Variants in PCLO observed in about 807,000 individuals in gnomAD.
PCLO encodes piccolo presynaptic cytomatrix protein.
In PCLO, 82 loss-of-function variants were observed where a neutral mutation model predicts 427.5. That is an observed-to-expected ratio of 0.19 (90% CI 0.16 to 0.23). The LOEUF is 0.23. PCLO is among the 10% of genes least tolerant of loss of function. The pLI is 1.00. For missense variants in PCLO, 6,239 were observed against 6,115.9 expected, an observed-to-expected ratio of 1.02 and a Z score of -0.67; for synonymous variants, 2,357 against 2,155.4, an observed-to-expected ratio of 1.09 and a Z score of -2.59.
chr7:83,012,621 G>GAAAAAAAAAAAAAAAAAAAAAAAAAAA (rs537818971), intron 3 of PCLO, among the ~76,000 whole-genome samples: 1 of 66,740 alleles, frequency 1.5e-5, no homozygotes, highest in African/African-American at 5.8e-5. Context: ...CTGTCTCAAG[G>GAAAAAAAAAAAAAAAAAAAAAAAAAAA]AAAAAAAAAA....
At chr7:82,866,374 TTAA>T (rs1357304193) in intron 10 of PCLO, among the ~76,000 whole-genome samples, 3 of 151,942 alleles carry the variant, frequency 2.0e-5, no homozygotes, top group Non-Finnish European at 4.4e-5. Flanking sequence ...ATATATGATA[TTAA>T]TATTTGTTAT....
rs1164463304 is a variant in PCLO, at chr7:83,134,428, T to C, written c.3122A>G (p.Gln1041Arg). The C allele has an allele frequency of 3.7e-6, 6 of 1,613,912 alleles. No homozygotes were observed. Among genetic ancestry groups the C allele is most frequent in the Non-Finnish European group, 5.1e-6 (6 of 1,179,868 alleles). Residue 1041 changes from glutamine (Q) to arginine (R), a missense_variant, in exon 3 of 25, where the codon CAA becomes CGA. By Grantham distance (43) the Gln-to-Arg change is conservative. Transcript: ENST00000333891. ...KDSKSLTAEP[Q>R]KAVLPTKLEK... Reference sequence around the variant, plus strand: ...CAGTTTTGTGGGAAGGACAGCCTTTTGAGGCTCAGCTGTTAAAGATTTGCT... The same window carrying C: ...CAGTTTTGTGGGAAGGACAGCCTTTCGAGGCTCAGCTGTTAAAGATTTGCT...
chr7:83,049,495 CCTT>C (rs1789182220), intron 3 of PCLO, among the ~76,000 whole-genome samples: 1 of 151,972 alleles, frequency 6.6e-6, no homozygotes, highest in African/African-American at 2.4e-5. Flanking sequence ...ATTTCAGGCT[CCTT>C]CTATTTTAGG....
At chr7:82,936,901 G>C (rs1293530105) in intron 6 of PCLO, among the ~76,000 whole-genome samples, 2 of 151,632 alleles carry the variant, frequency 1.3e-5, no homozygotes, top group Admixed American at 1.3e-4. Flanking sequence ...CATGACAAAA[G>C]GCCGAATACT....
At chr7:83,124,430 T>C (rs1274748254) in intron 3 of PCLO, among the ~76,000 whole-genome samples, 1 of 151,452 alleles carries the variant, frequency 6.6e-6, no homozygotes, top group African/African-American at 2.4e-5. Context: ...ACATCATTAG[T>C]TATCAGAGAA....
intron 3 of PCLO, 106 bp downstream of exon 3, chr7:83,134,144 C>T (rs1020490418): frequency 3.3e-5 from 11 of 336,398 alleles, no homozygotes; most frequent in Non-Finnish European, 5.6e-5. Context: ...TTCTTCACCA[C>T]AAATGTATTT....
Position 82,962,743 on chromosome 7 carries a change from T to A in PCLO, c.4017+3028A>T, listed in dbSNP as rs192404859. 3.5e-4 allele frequency among the ~76,000 whole-genome samples: 53 copies of A among 152,104 alleles called. 1 individual carries two copies. Among genetic ancestry groups the A allele is most frequent in the Middle Eastern group, 6.8e-3 (2 of 294 alleles). On this transcript the variant is annotated intron_variant, in intron 4 of 24. Transcript: ENST00000333891. Reference sequence around the variant, plus strand: ...ATTTCTCTGATTGGAATTATAATTTTAAAGAATAAGGTTAGGGAGATGGCA... The same window carrying A: ...ATTTCTCTGATTGGAATTATAATTTAAAAGAATAAGGTTAGGGAGATGGCA...
At chr7:82,889,133 T>C (rs1012361095) in intron 9 of PCLO, among the ~76,000 whole-genome samples, 1 of 152,086 alleles carries the variant, frequency 6.6e-6, no homozygotes, top group Non-Finnish European at 1.5e-5. Flanking sequence ...AAACCCAGCC[T>C]TGCACAGCCT....
intron 3 of PCLO, among the ~76,000 whole-genome samples, chr7:82,973,565 T>C (rs1283391680): frequency 1.3e-5 from 2 of 151,880 alleles, no homozygotes; most frequent in Non-Finnish European, 2.9e-5. Context: ...ACTAGAGTTA[T>C]CATTCCTAGG....
rs1790596340 is a variant in PCLO at position 83,097,050 on chromosome 7, A to AT, written c.3300+37199_3300+37200insA. Among the ~76,000 whole-genome samples, 3 of 32,470 alleles carry AT rather than the reference A, an allele frequency of 9.2e-5. 1 individual carries two copies. The South Asian group carries it at 2.0e-3, about 22-fold the overall frequency. 21.3% of individuals were successfully genotyped at this position (32,470 alleles called of 152,430 possible). On this transcript the variant is annotated intron_variant, in intron 3 of 24. Coordinates refer to ENST00000333891, the MANE Select transcript of PCLO (RefSeq NM_033026.6). ...TATAAATATATATTATATATTATATAAATATATTATACATTATACATTATA... is the reference window on the plus strand; with the variant it reads ...TATAAATATATATTATATATTATATATAATATATTATACATTATACATTATA...
At chr7:82,796,410 C>G (rs1363842549) in intron 22 of PCLO, among the ~76,000 whole-genome samples, 1 of 152,078 alleles carries the variant, frequency 6.6e-6, no homozygotes, top group Non-Finnish European at 1.5e-5. Context: ...AATAACTTCT[C>G]TTCTATATAC....
At chr7:82,975,949 G>A (rs369577160) in intron 3 of PCLO, among the ~76,000 whole-genome samples, 39 of 152,170 alleles carry the variant, frequency 2.6e-4, no homozygotes, top group South Asian at 2.3e-3. Context: ...CCAGGCATGC[G>A]GAACTGTGAG....
At chr7:82,899,153 T>C (rs1160041783) in intron 9 of PCLO, among the ~76,000 whole-genome samples, 1 of 151,472 alleles carries the variant, frequency 6.6e-6, no homozygotes, top group Non-Finnish European at 1.5e-5. Flanking sequence ...GATAAACACA[T>C]ACCATTTTAT....
At chr7:83,064,960 C>T (rs994743773) in intron 3 of PCLO, among the ~76,000 whole-genome samples, 46 of 151,936 alleles carry the variant, frequency 3.0e-4, no homozygotes, top group African/African-American at 1.1e-3. Flanking sequence ...ATACTATTGC[C>T]TTGCCCTTTC....
intron 3 of PCLO, among the ~76,000 whole-genome samples, chr7:83,042,874 A>G (rs552898708): frequency 4.5e-4 from 69 of 152,156 alleles, no homozygotes; most frequent in African/African-American, 1.6e-3. Context: ...CAAACAAACA[A>G]ACAAACAACA....
intron 10 of PCLO, among the ~76,000 whole-genome samples, chr7:82,856,017 T>C (rs1476165850): frequency 1.3e-5 from 2 of 152,098 alleles, no homozygotes; most frequent in East Asian, 1.9e-4. Context: ...TTGTGAAAAC[T>C]TGGGCACAGT....
At position 82,754,385 on chromosome 7, in the gene PCLO, A is replaced by T. The variant is rs1364967100; in HGVS notation, c.*4190T>A. The T allele has an allele frequency of 1.3e-5, 2 of 152,136 alleles. No homozygotes were observed. The highest frequency in any genetic ancestry group is 6.5e-5 in the Admixed American group (1 of 15,268). 9.4% of individuals were successfully genotyped at this position (152,136 alleles called of 1,614,324 possible). A position where few individuals can be genotyped will look rare whatever the true frequency, so the allele number is the denominator to read the frequency against. On this transcript the variant is annotated 3_prime_UTR_variant, in exon 25 of 25. Transcript: ENST00000333891. ...CAAAATCAGTTTTATTAAGATGTTT[A>T]TGTTTTCAGACAAGAAAATTTTTTC...
chr7:82,883,133 T>C (rs531747942), intron 9 of PCLO, among the ~76,000 whole-genome samples: 2 of 152,224 alleles, frequency 1.3e-5, no homozygotes, highest in South Asian at 2.1e-4. Context: ...GTTGATTTTT[T>C]ATAATAAAGT....
At chr7:82,893,101 C>A (rs1350960295) in intron 9 of PCLO, among the ~76,000 whole-genome samples, 1 of 152,110 alleles carries the variant, frequency 6.6e-6, no homozygotes, top group Non-Finnish European at 1.5e-5. Context: ...ATAAATCATG[C>A]TGCTATAAAG....
Sources: allele counts gnomAD v4.1 joint callset (sites outside exome capture counted in the v4.1 genomes callset), GRCh38; gene constraint gnomAD v4.1.1; transcripts MANE v1.5; gene names NCBI Gene and HGNC (gene_info 2026-07-23, HGNC 2026-07-21).